Variants in GRIP1 observed in about 807,000 individuals in gnomAD.
The protein encoded by GRIP1 is glutamate receptor-interacting protein 1.
In GRIP1, 45 loss-of-function variants were observed where a neutral mutation model predicts 129.9. The observed-to-expected ratio is 0.35, with a 90% confidence interval of 0.27 to 0.44. The LOEUF (loss-of-function observed/expected upper bound fraction) is 0.44. Among genes scored for constraint, GRIP1 ranks in the 20% least tolerant of loss-of-function variants. The probability of loss-of-function intolerance (pLI) is 1.00; values close to 1 mark genes in which losing one functional copy is unlikely to be tolerated. For synonymous variants in GRIP1, 530 were observed against 520.8 expected, an observed-to-expected ratio of 1.02 and a Z score of -0.24; for missense variants, 1,196 against 1,396.8, an observed-to-expected ratio of 0.86 and a Z score of 2.29.
rs1038079091 is a variant in GRIP1, at chr12:66,376,945, T to C, written c.2778+72A>G. On this transcript the variant is annotated intron_variant, in intron 22 of 24. Coordinates refer to ENST00000359742, the MANE Select transcript of GRIP1 (RefSeq NM_001366722.1). ...TTTGACTGCATTGTATAAAATCAAA[T>C]TGCTGTCCAGAAGGCAAGGGGGTAG... 2.8e-5 allele frequency: 28 copies of C among 1,013,030 alleles called. No individual in the cohort carries two copies. In the Middle Eastern group the frequency reaches 8.1e-4, roughly 29 times the overall value. The allele number at this position is 1,013,030 out of a possible 1,614,324, so 62.8% of individuals were successfully genotyped here.
chr12:66,576,599 T>A (rs535966662), intron 2 of GRIP1, among the ~76,000 whole-genome samples: 9 of 152,338 alleles, frequency 5.9e-5, no homozygotes, highest in African/African-American at 2.2e-4. Context: ...CTTGGACAAG[T>A]TACCTAAGCC....
At chr12:66,934,831 C>T (rs2041458443) in intron 1 of GRIP1, among the ~76,000 whole-genome samples, 1 of 152,160 alleles carries the variant, frequency 6.6e-6, no homozygotes, top group African/African-American at 2.4e-5. Context: ...AGCAACTGAA[C>T]AAATATCTGT....
intron 23 of GRIP1, among the ~76,000 whole-genome samples, chr12:66,353,828 G>A (rs2054350897): frequency 6.6e-6 from 1 of 152,126 alleles, no homozygotes; most frequent in Non-Finnish European, 1.5e-5. Flanking sequence ...TCGTCATCAG[G>A]GGGATATAGG....
At chr12:66,851,012 T>C (rs2039901954) in intron 1 of GRIP1, among the ~76,000 whole-genome samples, 1 of 150,028 alleles carries the variant, frequency 6.7e-6, no homozygotes. Context: ...GAATGATTTA[T>C]ACTGACTTCA....
At chr12:66,578,562 C>T (rs187653766) in intron 2 of GRIP1, among the ~76,000 whole-genome samples, 181 of 152,278 alleles carry the variant, frequency 1.2e-3, no homozygotes, top group African/African-American at 4.1e-3. Flanking sequence ...CCAAATACTG[C>T]GCTTTTCCAA....
At chr12:66,785,893 G>A (rs763994230) in intron 1 of GRIP1, among the ~76,000 whole-genome samples, 1 of 151,794 alleles carries the variant, frequency 6.6e-6, no homozygotes, top group Non-Finnish European at 1.5e-5. Flanking sequence ...ACCAGCCTGG[G>A]CAAAATAGAG....
At chr12:66,648,792 A>G (rs1211916517) in intron 1 of GRIP1, among the ~76,000 whole-genome samples, 1 of 152,226 alleles carries the variant, frequency 6.6e-6, no homozygotes, top group African/African-American at 2.4e-5. Flanking sequence ...CTCAAAGTCC[A>G]ATTTTAACTG....
chr12:66,620,735 C>A (rs916377962), intron 1 of GRIP1, among the ~76,000 whole-genome samples: 4 of 151,622 alleles, frequency 2.6e-5, no homozygotes, highest in African/African-American at 4.8e-5. Context: ...CCCTCTCGCT[C>A]TCTTTCTCTT....
chr12:66,876,061 A>G (rs1164633520), intron 1 of GRIP1, among the ~76,000 whole-genome samples: 1 of 152,098 alleles, frequency 6.6e-6, no homozygotes, highest in Non-Finnish European at 1.5e-5. Context: ...TTCAACTGTT[A>G]GGCAATTTAA....
At chr12:66,715,536 TA>T (rs1391305804) in intron 1 of GRIP1, among the ~76,000 whole-genome samples, 3 of 136,334 alleles carry the variant, frequency 2.2e-5, no homozygotes, top group African/African-American at 8.3e-5. Context: ...CCCTCTAGAT[TA>T]AACACTGTGG....
intron 11 of GRIP1, among the ~76,000 whole-genome samples, chr12:66,454,856 G>A (rs973132584): frequency 1.3e-5 from 2 of 152,112 alleles, no homozygotes; most frequent in African/African-American, 2.4e-5. Context: ...AAAAAGTATT[G>A]GAGTCTTGGG....
At chr12:66,746,425 T>G (rs370064203) in intron 1 of GRIP1, among the ~76,000 whole-genome samples, 1 of 152,198 alleles carries the variant, frequency 6.6e-6, no homozygotes, top group Non-Finnish European at 1.5e-5. Context: ...GACCTGTTCA[T>G]TCAGAATCTG....
At chr12:66,670,103 A>G (rs1565955656) in intron 1 of GRIP1, among the ~76,000 whole-genome samples, 1 of 152,198 alleles carries the variant, frequency 6.6e-6, no homozygotes, top group Non-Finnish European at 1.5e-5. Context: ...TTGCATGAGT[A>G]GCTATGTCCA....
chr12:66,514,976 C>T lies in GRIP1; in HGVS notation c.724+643G>A, dbSNP rs1001972464. ...AATTTTTCTGCCTTAGTCAACATTA[C>T]ACAAGACGTTGGCTCTCTTAACATT... On this transcript the variant is annotated intron_variant, in intron 7 of 24. Transcript: ENST00000359742. 7.9e-5 allele frequency among the ~76,000 whole-genome samples: 12 copies of T among 152,238 alleles called. No individual in the cohort carries two copies. The East Asian group carries it at 1.9e-3, about 24-fold the overall frequency.
chr12:66,476,819 A>T (rs2059629830), intron 7 of GRIP1, among the ~76,000 whole-genome samples: 1 of 152,222 alleles, frequency 6.6e-6, no homozygotes. Context: ...CTTTGACAAT[A>T]TTCAACAGCC....
chr12:66,708,002 T>C (rs1458320377), intron 1 of GRIP1, among the ~76,000 whole-genome samples: 2 of 152,038 alleles, frequency 1.3e-5, no homozygotes, highest in Non-Finnish European at 2.9e-5. Context: ...AACAATTGTT[T>C]AAAAGAAATA....
intron 1 of GRIP1, among the ~76,000 whole-genome samples, chr12:66,997,021 C>A (rs535469273): frequency 1.3e-5 from 2 of 152,212 alleles, no homozygotes; most frequent in Admixed American, 6.5e-5. Context: ...AACCACTGGA[C>A]AGAAAGACTA....
chr12:67,027,042 C>T (rs2042951373), intron 1 of GRIP1, among the ~76,000 whole-genome samples: 1 of 152,194 alleles, frequency 6.6e-6, no homozygotes, highest in South Asian at 2.1e-4. Flanking sequence ...CCCACCTCAG[C>T]CACCTGAGTA....
intron 19 of GRIP1, among the ~76,000 whole-genome samples, chr12:66,380,533 C>A (rs760354619): frequency 1.3e-5 from 2 of 152,176 alleles, no homozygotes; most frequent in Non-Finnish European, 2.9e-5. Flanking sequence ...TGAGGAATGG[C>A]TTTGGCAATT....
Sources: gnomAD v4.1 joint callset for allele counts (sites outside exome capture counted in the v4.1 genomes callset) on GRCh38, gnomAD v4.1.1 for gene constraint, MANE v1.5 for transcripts, NCBI Gene and HGNC (gene_info 2026-07-23, HGNC 2026-07-21) for gene names.